SAMMSON: variants seen among roughly 807,000 people sequenced by gnomAD.
SAMMSON encodes the protein survival associated mitochondrial melanoma specific oncogenic non-coding RNA.
At chr3:70,350,459 A>G (rs1385525038) in intron 7 of SAMMSON, among the ~76,000 whole-genome samples, 1 of 152,118 alleles carries the variant, frequency 6.6e-6, no homozygotes, top group African/African-American at 2.4e-5. Flanking sequence ...GTTTCTTGAT[A>G]TGTATTTAAT....
intron 6 of SAMMSON, among the ~76,000 whole-genome samples, chr3:70,288,643 A>G (rs1234595329): frequency 6.6e-6 from 1 of 151,676 alleles, no homozygotes; most frequent in African/African-American, 2.4e-5. Flanking sequence ...TGATCCGTCT[A>G]ATGTTCACAG....
chr3:70,017,349 A>G (rs1441746313), intron 3 of SAMMSON, among the ~76,000 whole-genome samples: 2 of 152,076 alleles, frequency 1.3e-5, no homozygotes, highest in Non-Finnish European at 2.9e-5. Flanking sequence ...CTTTGAAGCA[A>G]TTGTGAATGG....
At chr3:70,195,624 A>G (rs1412589457) in intron 4 of SAMMSON, among the ~76,000 whole-genome samples, 1 of 152,196 alleles carries the variant, frequency 6.6e-6, no homozygotes, top group Non-Finnish European at 1.5e-5. Flanking sequence ...CCTAAATTAC[A>G]CACAAAAAAA....
At chr3:70,206,723 T>G in intron 4 of SAMMSON, 1 of 397,852 alleles carries the variant, frequency 2.5e-6, no homozygotes, top group Non-Finnish European at 4.4e-6. Context: ...TGAAGTCAGA[T>G]ACTGAATTTA....
chr3:70,326,972 C>T (rs1394888555), intron 7 of SAMMSON, among the ~76,000 whole-genome samples: 2 of 152,140 alleles, frequency 1.3e-5, no homozygotes, highest in Non-Finnish European at 2.9e-5. Flanking sequence ...AATTCTGCTG[C>T]CTAAGCCTCC....
At chr3:70,126,118 G>T in intron 4 of SAMMSON, 1 of 1,260,352 alleles carries the variant, frequency 7.9e-7, no homozygotes, top group Non-Finnish European at 1.1e-6. Flanking sequence ...TGTTAGGATT[G>T]TGCTGGAAGG....
At chr3:70,399,737 G>A (rs925507720) in intron 2 of SAMMSON, among the ~76,000 whole-genome samples, 8 of 151,610 alleles carry the variant, frequency 5.3e-5, no homozygotes, top group Non-Finnish European at 1.2e-4. Flanking sequence ...GGATGTGGTG[G>A]TGTGTGCCTG....
At chr3:70,026,296 G>T (rs1272822366) in intron 3 of SAMMSON, among the ~76,000 whole-genome samples, 1 of 152,144 alleles carries the variant, frequency 6.6e-6, no homozygotes, top group Non-Finnish European at 1.5e-5. Context: ...TAGTGTAGTT[G>T]TTAGCCGATT....
chr3:70,052,977 A>G (rs2067151922), intron 3 of SAMMSON, among the ~76,000 whole-genome samples: 2 of 152,116 alleles, frequency 1.3e-5, no homozygotes, highest in Admixed American at 1.3e-4. Flanking sequence ...TGTTTCTTGT[A>G]TATTAAAGAA....
intron 7 of SAMMSON, among the ~76,000 whole-genome samples, chr3:70,325,370 C>T (rs1048701757): frequency 3.9e-5 from 6 of 152,054 alleles, no homozygotes; most frequent in Non-Finnish European, 8.8e-5. Context: ...CTCACCCATG[C>T]GGGCTGTGAG....
intron 4 of SAMMSON, among the ~76,000 whole-genome samples, chr3:70,146,551 A>C (rs1453395440): frequency 1.3e-5 from 2 of 152,076 alleles, no homozygotes; most frequent in African/African-American, 4.8e-5. Flanking sequence ...AATAGCCTAA[A>C]TAAGAAAATC....
At chr3:70,129,221 T>C (rs2067471209) in intron 4 of SAMMSON, among the ~76,000 whole-genome samples, 1 of 152,214 alleles carries the variant, frequency 6.6e-6, no homozygotes. Flanking sequence ...GGTTGTCAAA[T>C]GTGATGCAAT....
chr3:70,073,065 C>T lies in SAMMSON; in HGVS notation n.507+1500C>T, dbSNP rs537453844. 4.7e-4 allele frequency among the ~76,000 whole-genome samples: 71 copies of T among 152,044 alleles called. 3 individuals carry two copies. In the South Asian group the frequency reaches 0.014, roughly 29 times the overall value. Reference sequence around the variant, plus strand: ...AATTATATTTTACAAAGTTAGAAGGCGGAAGAACCCTACTCTTTGTTTTAG... The same window carrying T: ...AATTATATTTTACAAAGTTAGAAGGTGGAAGAACCCTACTCTTTGTTTTAG... On this transcript the variant is annotated intron_variant and non_coding_transcript_variant, in intron 4 of 9. Coordinates refer to ENST00000642114, the Ensembl canonical transcript of SAMMSON.
intron 2 of SAMMSON, among the ~76,000 whole-genome samples, chr3:70,419,279 C>T (rs1284838517): frequency 1.5e-4 from 23 of 152,116 alleles, no homozygotes; most frequent in South Asian, 6.2e-4. Context: ...GCGATCCACC[C>T]GCCTCAGCCT....
At chr3:70,016,004 A>C (rs1376261566) in intron 3 of SAMMSON, among the ~76,000 whole-genome samples, 2 of 152,200 alleles carry the variant, frequency 1.3e-5, no homozygotes, top group South Asian at 2.1e-4. Context: ...TGCTGTTGTG[A>C]ATAGTGCCGC....
chr3:70,322,382 C>T (rs1451582777), intron 7 of SAMMSON, among the ~76,000 whole-genome samples: 1 of 152,064 alleles, frequency 6.6e-6, no homozygotes, highest in Admixed American at 6.6e-5. Context: ...TTTTCCTCTT[C>T]ATCTCCTAAT....
intron 4 of SAMMSON, among the ~76,000 whole-genome samples, chr3:70,169,978 C>T (rs2067655274): frequency 6.6e-6 from 1 of 151,880 alleles, no homozygotes; most frequent in Admixed American, 6.6e-5. Flanking sequence ...CACTGGCTAG[C>T]AGTCTAGTTG....
chr3:70,011,569 C>CCATAATTG (rs1420801174), intron 1 of SAMMSON, among the ~76,000 whole-genome samples: 2 of 151,140 alleles, frequency 1.3e-5, no homozygotes, highest in African/African-American at 4.9e-5. Context: ...TGAAGAGACT[C>CCATAATTG]CATAATTGTA....
chr3:70,431,181 A>C (rs965681761), intron 2 of SAMMSON, among the ~76,000 whole-genome samples: 1 of 152,136 alleles, frequency 6.6e-6, no homozygotes, highest in South Asian at 2.1e-4. Flanking sequence ...TTCAACTTTG[A>C]AGAAATATCA....
Sources: gnomAD v4.1 joint callset for allele counts (sites outside exome capture counted in the v4.1 genomes callset) on GRCh38, gnomAD v4.1.1 for gene constraint, MANE v1.5 for transcripts, NCBI Gene and HGNC (gene_info 2026-07-23, HGNC 2026-07-21) for gene names.